Variants in GABRA3 observed in about 807,000 individuals in gnomAD.
GABRA3 encodes gamma-aminobutyric acid type A receptor subunit alpha3, also known as gamma-aminobutyric acid receptor subunit alpha-3.
A neutral mutation model predicts 30.1 loss-of-function variants in GABRA3; 10 were observed. The ratio of observed to expected loss-of-function variants is 0.33; its 90% confidence interval spans 0.20 to 0.56. The LOEUF is 0.56. Among genes scored for constraint, GABRA3 ranks in the 20% least tolerant of loss-of-function variants. GABRA3 has a pLI of 0.89. For synonymous variants in GABRA3, 151 were observed against 146.8 expected, an observed-to-expected ratio of 1.03 and a Z score of -0.21; for missense variants, 233 against 392.0, an observed-to-expected ratio of 0.59 and a Z score of 3.42.
chrX:152,216,837 C>T (rs191349139), intron 6 of GABRA3, among the ~76,000 whole-genome samples: 30 of 109,683 alleles, frequency 2.7e-4, no homozygotes, highest in African/African-American at 8.2e-4. Context: ...CACAAATACA[C>T]GATAAATATT....
At chrX:152,390,514 C>A (rs1331393858) in intron 1 of GABRA3, among the ~76,000 whole-genome samples, 1 of 112,257 alleles carries the variant, frequency 8.9e-6, no homozygotes, top group Non-Finnish European at 1.9e-5. Flanking sequence ...AAGCCATAGA[C>A]TGGTACTTAC....
intron 1 of GABRA3, among the ~76,000 whole-genome samples, chrX:152,383,267 T>C (rs1265829982): frequency 9.4e-6 from 1 of 106,378 alleles, no homozygotes; most frequent in Non-Finnish European, 1.9e-5. Flanking sequence ...CGGGCGCCTA[T>C]AGTCCCAGCT....
chrX:152,206,574 G>A (rs975016902), intron 7 of GABRA3, among the ~76,000 whole-genome samples: 1 of 111,321 alleles, frequency 9.0e-6, no homozygotes, highest in Non-Finnish European at 1.9e-5. Context: ...AGCCAGGGAC[G>A]GGTCCCTGTC....
intron 1 of GABRA3, among the ~76,000 whole-genome samples, chrX:152,405,471 C>T (rs959878871): frequency 3.6e-5 from 4 of 110,114 alleles, no homozygotes; most frequent in African/African-American, 1.3e-4. Flanking sequence ...TGGACGTGGA[C>T]TGTGCATGAC....
At chrX:152,220,533 T>C (rs1480054839) in intron 6 of GABRA3, among the ~76,000 whole-genome samples, 1 of 111,801 alleles carries the variant, frequency 8.9e-6, no homozygotes, top group African/African-American at 3.2e-5. Flanking sequence ...TGCCTTTTGG[T>C]ATACATAAAC....
chrX:152,326,676 G>T (rs1940064774), intron 3 of GABRA3, among the ~76,000 whole-genome samples: 1 of 111,337 alleles, frequency 9.0e-6, no homozygotes, highest in Non-Finnish European at 1.9e-5. Flanking sequence ...TCACCACCAG[G>T]CCTGCCCTAA....
At chrX:152,437,163 C>T (rs1930797119) in intron 1 of GABRA3, among the ~76,000 whole-genome samples, 3 of 111,580 alleles carry the variant, frequency 2.7e-5, no homozygotes, top group Admixed American at 9.6e-5. Context: ...ACGGGAAAGA[C>T]TGACAAGGCA....
At chrX:152,327,559 G>A (rs1356462931) in intron 3 of GABRA3, among the ~76,000 whole-genome samples, 12 of 111,589 alleles carry the variant, frequency 1.1e-4, no homozygotes, top group Non-Finnish European at 1.7e-4. Context: ...ACTCAAAACC[G>A]CTCAACTACA....
chrX:152,172,806 G>A (rs1937019421), intron 9 of GABRA3, among the ~76,000 whole-genome samples: 1 of 111,667 alleles, frequency 9.0e-6, no homozygotes, highest in African/African-American at 3.3e-5. Flanking sequence ...AGAAAGGAAT[G>A]GGGAGTTGTT....
chrX:152,406,091 C>G (rs1433111462), intron 1 of GABRA3, among the ~76,000 whole-genome samples: 2 of 109,729 alleles, frequency 1.8e-5, no homozygotes, highest in Non-Finnish European at 3.8e-5. Context: ...AGAGTCACAT[C>G]ATTCCCGAGT....
At position 152,451,225 on chromosome X, in the gene GABRA3, G is replaced by A. The variant is rs1931214918; in HGVS notation, c.-106C>T. On this transcript the variant is annotated 5_prime_UTR_variant, in exon 1 of 10. Coordinates refer to ENST00000370314, the MANE Select transcript of GABRA3 (RefSeq NM_000808.4). Reference sequence around the variant, plus strand: ...TGGAGGTTGAGCCCTGACAGAGCTCGGCTTCTGGCTTCTTCTTCTCTCTCT... The same window carrying A: ...TGGAGGTTGAGCCCTGACAGAGCTCAGCTTCTGGCTTCTTCTTCTCTCTCT... The A allele has an allele frequency of 9.0e-6, 1 of 111,470 alleles. No homozygotes were observed. Among genetic ancestry groups the A allele is most frequent in the Admixed American group, 9.5e-5 (1 of 10,560 alleles). The allele number at this position is 111,470 out of a possible 1,213,427, so 9.2% of individuals were successfully genotyped here.
rs754397302 is a variant in GABRA3 at position 152,233,700 on chromosome X, A to G, written c.552-8855T>C. ...ACCCAGCCATCCCATTACTGGGTATATACCCAAAGGACTATAAATCATGCT... is the reference window on the plus strand; with the variant it reads ...ACCCAGCCATCCCATTACTGGGTATGTACCCAAAGGACTATAAATCATGCT... On this transcript the variant is annotated intron_variant, in intron 5 of 9. Coordinates refer to ENST00000370314, the MANE Select transcript of GABRA3 (RefSeq NM_000808.4). Among the ~76,000 whole-genome samples the G allele has an allele frequency of 4.4e-4, 47 of 106,483 alleles. No individual in the cohort carries two copies. The East Asian group carries it at 0.01, about 23-fold the overall frequency. The allele number at this position is 106,483 out of a possible 115,157, so 92.5% of individuals were successfully genotyped here. A position where few individuals can be genotyped will look rare whatever the true frequency, so the allele number is the denominator to read the frequency against.
intron 7 of GABRA3, among the ~76,000 whole-genome samples, chrX:152,200,399 T>C (rs1288851399): frequency 8.9e-6 from 1 of 112,551 alleles, no homozygotes; most frequent in East Asian, 2.8e-4. Context: ...TCTTAGCTTG[T>C]TTATGTGAAC....
intron 1 of GABRA3, among the ~76,000 whole-genome samples, chrX:152,421,041 TGGGTATTTCTTCATA>T (rs1200548323): frequency 9.2e-6 from 1 of 108,498 alleles, no homozygotes; most frequent in Non-Finnish European, 1.9e-5. Context: ...TACCCAGTCT[TGGGTATTTCTTCATA>T]GCAGAGTGAG....
At chrX:152,416,388 G>C (rs1412809682) in intron 1 of GABRA3, among the ~76,000 whole-genome samples, 1 of 101,426 alleles carries the variant, frequency 9.9e-6, no homozygotes, top group African/African-American at 3.6e-5. Flanking sequence ...CAAACAAATG[G>C]AAGAACATTC....
intron 1 of GABRA3, among the ~76,000 whole-genome samples, chrX:152,386,396 C>A (rs749309634): frequency 2.7e-5 from 3 of 111,010 alleles, no homozygotes; most frequent in Admixed American, 1.9e-4. Flanking sequence ...ACAACCTACT[C>A]ATCTGACAAA....
intron 1 of GABRA3, among the ~76,000 whole-genome samples, chrX:152,448,445 C>G (rs768666037): frequency 7.7e-4 from 86 of 111,894 alleles, no homozygotes; most frequent in African/African-American, 2.7e-3. Flanking sequence ...ATCTCAACAT[C>G]TTACAGATGG....
At chrX:152,361,090 T>A in intron 2 of GABRA3, among the ~76,000 whole-genome samples, 1 of 96,765 alleles carries the variant, frequency 1.0e-5, no homozygotes, top group Middle Eastern at 5.3e-3. Context: ...GACCACGTCT[T>A]TAAAAAAAAA....
chrX:152,440,687 A>G (rs1298344474), intron 1 of GABRA3, among the ~76,000 whole-genome samples: 1 of 112,218 alleles, frequency 8.9e-6, no homozygotes, highest in Non-Finnish European at 1.9e-5. Context: ...GCAGCCATAA[A>G]AAAGGATGAG....
Sources: gnomAD v4.1 joint callset for allele counts (sites outside exome capture counted in the v4.1 genomes callset) on GRCh38, gnomAD v4.1.1 for gene constraint, MANE v1.5 for transcripts, NCBI Gene and HGNC (gene_info 2026-07-23, HGNC 2026-07-21) for gene names.